Variants in CXCL13 observed in about 807,000 individuals in gnomAD.
The protein encoded by CXCL13 is C-X-C motif chemokine 13.
CXCL13 carries 7 observed loss-of-function variants against 12.2 expected under a neutral mutation model. The ratio of observed to expected loss-of-function variants is 0.57; its 90% confidence interval spans 0.33 to 1.07. The LOEUF is 1.07. Ranked by LOEUF, CXCL13 falls within the 50% of genes least tolerant of loss-of-function variation. The probability of loss-of-function intolerance (pLI) is 0.04; values close to 1 mark genes in which losing one functional copy is unlikely to be tolerated. For missense variants in CXCL13, 113 were observed against 127.4 expected, an observed-to-expected ratio of 0.89 and a Z score of 0.55; for synonymous variants, 47 against 42.4, an observed-to-expected ratio of 1.11 and a Z score of -0.42.
intron 1 of CXCL13, among the ~76,000 whole-genome samples, chr4:77,572,340 G>A (rs576330883): frequency 2.0e-5 from 3 of 152,038 alleles, no homozygotes; most frequent in Non-Finnish European, 2.9e-5. Context: ...GGTGGAGGTT[G>A]CAGTGAGCCA....
chr4:77,521,100 G>A (rs545224744), intron 1 of CXCL13, among the ~76,000 whole-genome samples: 1 of 152,278 alleles, frequency 6.6e-6, no homozygotes, highest in East Asian at 1.9e-4. Flanking sequence ...TTTTTGATGT[G>A]CTGCTGGATT....
At chr4:77,525,170 T>G (rs1484427613) in intron 1 of CXCL13, among the ~76,000 whole-genome samples, 4 of 152,232 alleles carry the variant, frequency 2.6e-5, no homozygotes, top group Non-Finnish European at 5.9e-5. Flanking sequence ...CCACATGTTC[T>G]TGGACTTCCC....
At chr4:77,605,299 C>G (rs1378924355), upstream of CXCL13, among the ~76,000 whole-genome samples, 1 of 152,144 alleles carries the variant, frequency 6.6e-6, no homozygotes. Flanking sequence ...ATGGAAAAGA[C>G]TGGTAGGAAA....
In CXCL13 at chr4:77,570,858, G is replaced by A. The variant is rs540478228; in HGVS notation, c.-42-34966G>A. 1.6e-3 allele frequency among the ~76,000 whole-genome samples: 242 copies of A among 152,096 alleles called. 4 individuals are homozygous for A. The highest frequency in any genetic ancestry group is 5.6e-3 in the African/African-American group (230 of 41,366). Reference sequence around the variant, plus strand: ...GATCCCCAAGCAGTGCCAGCCCACCGGTGCTGCGCTCGATTTCTCACCGGG... The same window carrying A: ...GATCCCCAAGCAGTGCCAGCCCACCAGTGCTGCGCTCGATTTCTCACCGGG... On this transcript the variant is annotated intron_variant, in intron 1 of 4. Transcript: ENST00000286758.
chr4:77,517,671 T>C (rs917113952), intron 1 of CXCL13, among the ~76,000 whole-genome samples: 3 of 152,234 alleles, frequency 2.0e-5, no homozygotes, highest in Non-Finnish European at 4.4e-5. Flanking sequence ...TAGATCTTCC[T>C]CCATCCCTTT....
intron 1 of CXCL13, among the ~76,000 whole-genome samples, chr4:77,564,716 C>A (rs1464825798): frequency 6.6e-6 from 1 of 152,214 alleles, no homozygotes; most frequent in Non-Finnish European, 1.5e-5. Flanking sequence ...CCCTGACAGA[C>A]TGTGGAGCCC....
rs576915318 is a variant in CXCL13, at chr4:77,598,033, G to A, written c.-42-7791G>A. On this transcript the variant is annotated intron_variant, in intron 1 of 4. Transcript: ENST00000286758. ...CAGGAAGACAAGAAGCTGAGAAAAG[G>A]GAACCATTGAGTCAGCCTGTTTTTC... 3.3e-5 allele frequency among the ~76,000 whole-genome samples: 5 copies of A among 152,326 alleles called. No individual in the cohort carries two copies. The South Asian group carries it at 8.3e-4, about 25-fold the overall frequency.
intron 1 of CXCL13, among the ~76,000 whole-genome samples, chr4:77,569,338 G>A (rs760921727): frequency 2.0e-5 from 3 of 152,188 alleles, no homozygotes; most frequent in Admixed American, 6.5e-5. Context: ...CCTGTTTGCA[G>A]ATGACATGAT....
rs183965373 is a variant in CXCL13 at position 77,544,028 on chromosome 4, A to G, written c.-43+32240A>G. ...TTTTCTGTCCTTGCGATATTTTGCG[A>G]GAATGATGGTTTCCAGCTTCATCCA... On this transcript the variant is annotated intron_variant, in intron 1 of 4. Transcript: ENST00000286758. Among the ~76,000 whole-genome samples, 541 of 152,238 alleles carry G rather than the reference A, an allele frequency of 3.6e-3. 4 individuals are homozygous for G. The highest frequency in any genetic ancestry group is 0.012 in the African/African-American group (519 of 41,566).
chr4:77,530,594 T>C (rs1724887194), intron 1 of CXCL13, among the ~76,000 whole-genome samples: 1 of 152,216 alleles, frequency 6.6e-6, no homozygotes, highest in South Asian at 2.1e-4. Flanking sequence ...GATGGTAGTT[T>C]GTATTTCTGT....
At position 77,534,996 on chromosome 4, in the gene CXCL13, A is replaced by G. The variant is rs571984907; in HGVS notation, c.-43+23208A>G. Among the ~76,000 whole-genome samples the G allele has an allele frequency of 3.9e-5, 6 of 152,326 alleles. No homozygotes were observed. The East Asian group carries it at 7.7e-4, about 20-fold the overall frequency. The stretch of plus-strand genomic sequence containing the variant: ...TCCACCCTCCTGAAAACTGCTTTGC[A>G]TGCTACAGCAAGATTACTGGAATTA... On this transcript the variant is annotated intron_variant, in intron 1 of 4. Transcript: ENST00000286758.
intron 1 of CXCL13, among the ~76,000 whole-genome samples, chr4:77,577,144 C>A (rs77663201): frequency 6.6e-6 from 1 of 152,030 alleles, no homozygotes; most frequent in African/African-American, 2.4e-5. Flanking sequence ...AATAGGATGA[C>A]CATCACCTGG....
chr4:77,567,070 A>T (rs1725957750), intron 1 of CXCL13, among the ~76,000 whole-genome samples: 1 of 152,180 alleles, frequency 6.6e-6, no homozygotes, highest in Admixed American at 6.5e-5. Context: ...TGACTTTGTG[A>T]CAATACACCC....
At position 77,518,110 on chromosome 4, in the gene CXCL13, G is replaced by T. The variant is rs531896796; in HGVS notation, c.-43+6322G>T. Among the ~76,000 whole-genome samples, 592 of 152,258 alleles carry T rather than the reference G, an allele frequency of 3.9e-3. 5 individuals are homozygous for T. Among genetic ancestry groups the T allele is most frequent in the African/African-American group, 0.012 (512 of 41,546 alleles). On this transcript the variant is annotated intron_variant, in intron 1 of 4. Transcript: ENST00000286758. ...TTGAAAATTCTTTTCTTTAAGAATGGTGAATATTGGCCCCCACTCTCTTCT... is the reference window on the plus strand; with the variant it reads ...TTGAAAATTCTTTTCTTTAAGAATGTTGAATATTGGCCCCCACTCTCTTCT...
chr4:77,587,601 A>G (rs1436054364), intron 1 of CXCL13, among the ~76,000 whole-genome samples: 1 of 152,252 alleles, frequency 6.6e-6, no homozygotes, highest in Non-Finnish European at 1.5e-5. Context: ...TATGCCAGGT[A>G]CAGTACCAAA....
At chr4:77,552,783 C>T (rs1725565510) in intron 1 of CXCL13, among the ~76,000 whole-genome samples, 1 of 152,238 alleles carries the variant, frequency 6.6e-6, no homozygotes, top group Non-Finnish European at 1.5e-5. Flanking sequence ...TCTGATCCAA[C>T]AGAGTGCATG....
At chr4:77,536,774 A>T (rs185949034) in intron 1 of CXCL13, among the ~76,000 whole-genome samples, 39 of 152,338 alleles carry the variant, frequency 2.6e-4, no homozygotes, top group Admixed American at 2.2e-3. Context: ...GCAATAGCTG[A>T]TTCAACTATC....
At position 77,607,702 on chromosome 4, in the gene CXCL13, G is replaced by T; in HGVS notation, c.65-1G>T. 1 of 1,606,554 alleles carries T rather than the reference G, an allele frequency of 6.2e-7. No individual in the cohort carries two copies. The highest frequency in any genetic ancestry group is 8.5e-7 in the Non-Finnish European group (1 of 1,176,792). ...ATAACTGATTCTGTGTTTACTTACA[G>T]GTGTTCTGGAGGTCTATTACACAAG... On this transcript the variant is annotated splice_acceptor_variant, in intron 1 of 3. Coordinates refer to ENST00000682537, the MANE Select transcript of CXCL13 (RefSeq NM_001371558.1). LOFTEE classifies it high-confidence loss of function.
In CXCL13 at chr4:77,553,866, A is replaced by T. The variant is rs1388735131; in HGVS notation, c.-43+42078A>T. Among the ~76,000 whole-genome samples the T allele has an allele frequency of 2.0e-5, 3 of 152,218 alleles. No homozygotes were observed. In the East Asian group the frequency reaches 5.8e-4, roughly 29 times the overall value. On this transcript the variant is annotated intron_variant, in intron 1 of 4. Coordinates refer to the CXCL13 transcript ENST00000286758. ...CCAAATATGTAGGATAAACAAATTG[A>T]AATATCTAGTGTACAATGTAAGGAC...
Sources: gnomAD v4.1 joint callset for allele counts (sites outside exome capture counted in the v4.1 genomes callset) on GRCh38, gnomAD v4.1.1 for gene constraint, MANE v1.5 for transcripts, NCBI Gene and HGNC (gene_info 2026-07-23, HGNC 2026-07-21) for gene names.